The following SENP1 variants were observed in gnomAD, a reference collection of about 807,000 sequenced individuals.
SENP1 encodes the protein sentrin-specific protease 1.
In SENP1, 21 loss-of-function variants were observed where a neutral mutation model predicts 93.0. The ratio of observed to expected loss-of-function variants is 0.23; its 90% CI spans 0.16 to 0.33. SENP1 has a LOEUF of 0.33. SENP1 is among the 10% of genes least tolerant of loss of function. The pLI is 1.00. For missense variants in SENP1, 591 were observed against 758.7 expected (o/e 0.78, Z 2.60); for synonymous variants, 256 against 259.6 (o/e 0.99, Z 0.13).
At chr12:48,057,174 A>G (rs1319152519) in intron 13 of SENP1, among the ~76,000 whole-genome samples, 1 of 117,582 alleles carries the variant, frequency 8.5e-6, no homozygotes, top group Non-Finnish European at 1.9e-5. Flanking sequence ...ATATAAATAT[A>G]TTATTTAATA....
chr12:48,084,971 T>C, intron 5 of SENP1: 1 of 638,962 alleles, frequency 1.6e-6, no homozygotes, highest in East Asian at 2.8e-5. Flanking sequence ...CATAATTCTC[T>C]TTAAGTCTTC....
intron 9 of SENP1, among the ~76,000 whole-genome samples, chr12:48,071,069 G>A (rs1943659195): frequency 6.6e-6 from 1 of 152,134 alleles, no homozygotes; most frequent in Non-Finnish European, 1.5e-5. Context: ...GGGTGACAGA[G>A]CAAGACCCTG....
At chr12:48,085,114 C>G (rs1944762238) in intron 5 of SENP1, 1 of 1,395,924 alleles carries the variant, frequency 7.2e-7, no homozygotes. Flanking sequence ...GACACGGTGA[C>G]TGGTTTCCTG....
intron 2 of SENP1, 87 bp downstream of exon 2, chr12:48,101,382 T>A: frequency 9.9e-7 from 1 of 1,012,386 alleles, no homozygotes; most frequent in Non-Finnish European, 1.5e-6. Context: ...AAGATACAAA[T>A]ACTGAAAATG....
At chr12:48,048,516 G>C (rs1941544248) in intron 14 of SENP1, among the ~76,000 whole-genome samples, 1 of 152,166 alleles carries the variant, frequency 6.6e-6, no homozygotes, top group Non-Finnish European at 1.5e-5. Context: ...AAAACAGACT[G>C]TGAAATAGTT....
chr12:48,075,053 C>T (rs1433947125), intron 6 of SENP1, among the ~76,000 whole-genome samples: 1 of 148,636 alleles, frequency 6.7e-6, no homozygotes, highest in African/African-American at 2.5e-5. Flanking sequence ...CAAAAGAAAA[C>T]TTAAAAAAAA....
chr12:48,079,746 A>G (rs774724953), intron 6 of SENP1, among the ~76,000 whole-genome samples: 3 of 145,882 alleles, frequency 2.1e-5, no homozygotes, highest in Admixed American at 6.8e-5. Context: ...ATAAAACTTT[A>G]ATAGAGAGCA....
intron 6 of SENP1, among the ~76,000 whole-genome samples, chr12:48,082,350 A>AG (rs1379679510): frequency 6.6e-6 from 1 of 152,350 alleles, no homozygotes; most frequent in East Asian, 1.9e-4. Context: ...TTCATTGGGC[A>AG]GGAACCATAT....
chr12:48,101,487 C>T lies in SENP1; in HGVS notation c.-15G>A. On this transcript the variant is annotated 5_prime_UTR_variant, in exon 2 of 18. The change creates a new upstream start codon in the 5' untranslated region. Coordinates refer to ENST00000549518, the MANE Select transcript of SENP1 (RefSeq NM_001267594.2). ...GTCTTACCCATTTCAAGTCTTTTCA[C>T]ATCACTGACTTTAGCAAAGATACAA... 2.5e-6 allele frequency: 4 copies of T among 1,596,236 alleles called. No homozygotes were observed. The highest frequency in any genetic ancestry group is 3.4e-6 in the Non-Finnish European group (4 of 1,171,838).
chr12:48,085,030 T>C (rs1944755714), intron 5 of SENP1: 4 of 1,094,964 alleles, frequency 3.7e-6, no homozygotes, highest in Non-Finnish European at 5.2e-6. Context: ...TGGCTTCTGG[T>C]GCTCTGGGGT....
Position 48,043,030 on chromosome 12 carries a change from G to A in SENP1, c.*2292C>T, listed in dbSNP as rs1941097526. Reference sequence around the variant, plus strand: ...TCAAAGCCTACCCCTAAACAAAGGGGAAAGTTTCCAGATACTACTCCTGCT... The same window carrying A: ...TCAAAGCCTACCCCTAAACAAAGGGAAAAGTTTCCAGATACTACTCCTGCT... On this transcript the variant is annotated 3_prime_UTR_variant, in exon 18 of 18. Coordinates refer to ENST00000549518, the MANE Select transcript of SENP1 (RefSeq NM_001267594.2). 6.6e-6 allele frequency: 1 copy of A among 152,044 alleles called. No homozygotes were observed. The allele number at this position is 152,044 out of a possible 1,614,324, so 9.4% of individuals were successfully genotyped here. A position where few individuals can be genotyped will look rare whatever the true frequency, so the allele number is the denominator to read the frequency against.
intron 13 of SENP1, among the ~76,000 whole-genome samples, chr12:48,058,302 T>C (rs1942724425): frequency 6.6e-6 from 1 of 152,208 alleles, no homozygotes; most frequent in Non-Finnish European, 1.5e-5. Flanking sequence ...GCTCACATTA[T>C]ATTTCTATTG....
chr12:48,105,036 C>T (rs1946388366), intron 1 of SENP1: 1 of 182,842 alleles, frequency 5.5e-6, no homozygotes, highest in Non-Finnish European at 1.2e-5. Context: ...CAACATGAGT[C>T]CTTAACACAA....
At chr12:48,054,078 G>GA (rs1218398351) in intron 13 of SENP1, among the ~76,000 whole-genome samples, 1 of 152,210 alleles carries the variant, frequency 6.6e-6, no homozygotes, top group African/African-American at 2.4e-5. Flanking sequence ...CTTCACGTAG[G>GA]ATAGGGCATA....
At chr12:48,088,705 C>G in intron 5 of SENP1, 96 bp downstream of exon 5, 1 of 1,188,076 alleles carries the variant, frequency 8.4e-7, no homozygotes, top group East Asian at 2.5e-5. Flanking sequence ...AATGGTGTTA[C>G]TCTTTTAAAA....
chr12:48,096,513 C>A, intron 3 of SENP1, 86 bp from the exon 4 acceptor site: 2 of 766,844 alleles, frequency 2.6e-6, no homozygotes, highest in Non-Finnish European at 4.4e-6. Context: ...TGGAGTACAC[C>A]GGCACAATCT....
intron 5 of SENP1, among the ~76,000 whole-genome samples, chr12:48,084,800 T>G (rs568071563): frequency 6.6e-6 from 1 of 152,158 alleles, no homozygotes; most frequent in Non-Finnish European, 1.5e-5. Context: ...CCTGGAAAGT[T>G]TGAGGTACTT....
At chr12:48,103,114 T>C (rs766864969) in intron 1 of SENP1, among the ~76,000 whole-genome samples, 2 of 152,222 alleles carry the variant, frequency 1.3e-5, no homozygotes, top group Non-Finnish European at 2.9e-5. Context: ...TTCATAATTG[T>C]CATTACTAGC....
At chr12:48,060,172 C>G (rs1401438712) in intron 13 of SENP1, among the ~76,000 whole-genome samples, 1 of 152,156 alleles carries the variant, frequency 6.6e-6, no homozygotes, top group Non-Finnish European at 1.5e-5. Context: ...ACCTGTTATC[C>G]AATGTCTGAA....
Sources: allele counts gnomAD v4.1 joint callset (sites outside exome capture counted in the v4.1 genomes callset), GRCh38; gene constraint gnomAD v4.1.1; transcripts MANE v1.5; gene names NCBI Gene and HGNC (gene_info 2026-07-23, HGNC 2026-07-21).